The following PHACTR1 variants were observed in gnomAD, a reference collection of about 807,000 sequenced individuals.
PHACTR1 encodes RPEL repeat containing 1.
Under a neutral mutation model 69.2 loss-of-function variants are expected in PHACTR1, and 16 were observed. The ratio of observed to expected loss-of-function variants is 0.23; its 90% CI spans 0.16 to 0.35. PHACTR1 has a LOEUF of 0.35. Among genes scored for constraint, PHACTR1 ranks in the 10% least tolerant of loss-of-function variants. The pLI is 1.00. For missense variants in PHACTR1, 510 were observed against 734.7 expected, an observed-to-expected ratio of 0.69 and a Z score of 3.54; for synonymous variants, 312 against 284.5, an observed-to-expected ratio of 1.10 and a Z score of -0.97.
intron 4 of PHACTR1, among the ~76,000 whole-genome samples, chr6:12,779,764 G>C (rs1199634720): frequency 6.6e-6 from 1 of 152,094 alleles, no homozygotes. Context: ...ATCTTCTATG[G>C]CAGGGTTGCC....
At chr6:12,916,253 A>G (rs1277677246) in intron 4 of PHACTR1, among the ~76,000 whole-genome samples, 3 of 152,168 alleles carry the variant, frequency 2.0e-5, no homozygotes, top group Non-Finnish European at 4.4e-5. Flanking sequence ...CTCATCTTTC[A>G]GTTCCCATCA....
At chr6:12,988,154 C>T (rs1298965247) in intron 4 of PHACTR1, among the ~76,000 whole-genome samples, 1 of 152,108 alleles carries the variant, frequency 6.6e-6, no homozygotes, top group Admixed American at 6.5e-5. Flanking sequence ...AAATTGAATG[C>T]CTTAGGGTCC....
intron 7 of PHACTR1, among the ~76,000 whole-genome samples, chr6:13,193,679 C>T (rs542012401): frequency 6.6e-6 from 1 of 152,218 alleles, no homozygotes; most frequent in East Asian, 1.9e-4. Flanking sequence ...AGATCTGCCA[C>T]ATCCAGCTCA....
chr6:13,076,593 G>A (rs553024134), intron 5 of PHACTR1, among the ~76,000 whole-genome samples: 1 of 152,050 alleles, frequency 6.6e-6, no homozygotes, highest in Non-Finnish European at 1.5e-5. Flanking sequence ...TAGGCCCTTG[G>A]TTACAAAGAT....
intron 4 of PHACTR1, among the ~76,000 whole-genome samples, chr6:12,928,814 A>T (rs1236091862): frequency 6.6e-6 from 1 of 152,212 alleles, no homozygotes; most frequent in Admixed American, 6.6e-5. Flanking sequence ...TATAACAAAG[A>T]CAGGCAAAGG....
intron 4 of PHACTR1, among the ~76,000 whole-genome samples, chr6:12,873,110 C>T (rs147691125): frequency 2.9e-4 from 44 of 152,090 alleles, no homozygotes; most frequent in Middle Eastern, 3.4e-3. Flanking sequence ...CTCCTGGGCT[C>T]AAGTGATCCT....
intron 10 of PHACTR1, chr6:13,266,960 G>A (rs957159264): frequency 2.0e-5 from 3 of 152,238 alleles, no homozygotes; most frequent in African/African-American, 7.2e-5. Flanking sequence ...TGCCCAGAAG[G>A]AGCATCCTTC....
At chr6:12,835,726 G>A (rs1778089275) in intron 4 of PHACTR1, among the ~76,000 whole-genome samples, 1 of 152,062 alleles carries the variant, frequency 6.6e-6, no homozygotes, top group Non-Finnish European at 1.5e-5. Flanking sequence ...ACCCTTTAAG[G>A]TAGATAGGAC....
chr6:12,974,262 T>C (rs1031924478), intron 4 of PHACTR1, among the ~76,000 whole-genome samples: 1 of 152,116 alleles, frequency 6.6e-6, no homozygotes, highest in Non-Finnish European at 1.5e-5. Context: ...AGTTTCCCTA[T>C]ATATTCTCAT....
chr6:13,134,127 G>A lies in PHACTR1; in HGVS notation c.416-26077G>A, dbSNP rs71646177. Among the ~76,000 whole-genome samples, 1,187 of 152,162 alleles carry A rather than the reference G, an allele frequency of 7.8e-3. 20 individuals are homozygous for A. Among genetic ancestry groups the A allele is most frequent in the African/African-American group, 0.027 (1,110 of 41,514 alleles). On this transcript the variant is annotated intron_variant, in intron 5 of 14. Coordinates refer to ENST00000332995, the MANE Select transcript of PHACTR1 (RefSeq NM_030948.6). ...CCGCCCTGTCTGGGAAGTGAGGAGCGTCTCCGCCTGGCAGCCGCCCCCTCC... is the reference window on the plus strand; with the variant it reads ...CCGCCCTGTCTGGGAAGTGAGGAGCATCTCCGCCTGGCAGCCGCCCCCTCC...
At chr6:12,988,552 A>G (rs1359443408) in intron 4 of PHACTR1, among the ~76,000 whole-genome samples, 1 of 152,222 alleles carries the variant, frequency 6.6e-6, no homozygotes, top group Non-Finnish European at 1.5e-5. Context: ...AAGATGCAAA[A>G]GTATAATGTT....
intron 5 of PHACTR1, among the ~76,000 whole-genome samples, chr6:13,100,227 C>T (rs1393518902): frequency 6.6e-6 from 1 of 152,074 alleles, no homozygotes; most frequent in Non-Finnish European, 1.5e-5. Flanking sequence ...CCCCAAGAAA[C>T]AGGTAAACTT....
chr6:12,718,795 A>G lies in PHACTR1; in HGVS notation c.51A>G (p.Arg17=). Residue 17 remains arginine (R), a synonymous_variant, in exon 3 of 15, where the codon AGA becomes AGG. Transcript: ENST00000332995. ...DYFLDVESAH[R]LLDVESAQRF... The stretch of plus-strand genomic sequence containing the variant: ...TTCTGGATGTAGAGTCTGCTCACAG[A>G]CTCTTGGATGTTGAGTCAGCTCAAA... 6.4e-7 allele frequency: 1 copy of G among 1,573,066 alleles called. No individual in the cohort carries two copies. Among genetic ancestry groups the G allele is most frequent in the Non-Finnish European group, 8.6e-7 (1 of 1,156,710 alleles).
chr6:13,205,638 C>G (rs1250430699), intron 7 of PHACTR1, among the ~76,000 whole-genome samples, 177 bp from the exon 8 acceptor site: 1 of 152,206 alleles, frequency 6.6e-6, no homozygotes, highest in Non-Finnish European at 1.5e-5. Flanking sequence ...GAGTAGGAAA[C>G]AAGAGTCAAT....
rs149425759 is a variant in PHACTR1 at position 13,192,017 on chromosome 6, G to A, written c.664+9331G>A. Among the ~76,000 whole-genome samples the A allele has an allele frequency of 7.7e-4, 117 of 152,264 alleles. 1 individual carries two copies. The highest frequency in any genetic ancestry group is 2.7e-3 in the African/African-American group (111 of 41,546). Reference sequence around the variant, plus strand: ...GGGCAAAGAGCGTAGCAAAATACCTGTCTTTTTTGTAGCACTGTTAGGTTG... The same window carrying A: ...GGGCAAAGAGCGTAGCAAAATACCTATCTTTTTTGTAGCACTGTTAGGTTG... On this transcript the variant is annotated intron_variant, in intron 7 of 14. Coordinates refer to ENST00000332995, the MANE Select transcript of PHACTR1 (RefSeq NM_030948.6).
intron 5 of PHACTR1, among the ~76,000 whole-genome samples, chr6:13,080,091 C>T (rs1811138554): frequency 6.6e-6 from 1 of 152,022 alleles, no homozygotes; most frequent in Admixed American, 6.6e-5. Flanking sequence ...AGAAACATGC[C>T]ACATAGGACA....
At chr6:13,011,280 G>T (rs1799421010) in intron 4 of PHACTR1, among the ~76,000 whole-genome samples, 1 of 152,194 alleles carries the variant, frequency 6.6e-6, no homozygotes, top group Non-Finnish European at 1.5e-5. Context: ...CTGAGGAAAT[G>T]AATTTGAATT....
At chr6:12,955,192 C>CTTTTTTTTT (rs1161324144) in intron 4 of PHACTR1, among the ~76,000 whole-genome samples, 1,281 of 103,178 alleles carry the variant, frequency 0.012, 203 homozygotes, top group African/African-American at 0.059. Context: ...TGTATTTCCT[C>CTTTTTTTTT]TTTTTTTTTT....
chr6:13,118,287 C>G (rs896830546), intron 5 of PHACTR1, among the ~76,000 whole-genome samples: 1 of 152,038 alleles, frequency 6.6e-6, no homozygotes, highest in Admixed American at 6.6e-5. Context: ...GCAGTTGTTC[C>G]CCAGTTATGC....
Sources: allele counts gnomAD v4.1 joint callset (sites outside exome capture counted in the v4.1 genomes callset), GRCh38; gene constraint gnomAD v4.1.1; transcripts MANE v1.5; gene names NCBI Gene and HGNC (gene_info 2026-07-23, HGNC 2026-07-21).